The following MRPL15 variants were observed in gnomAD, a reference collection of about 807,000 sequenced individuals.
MRPL15 encodes the protein mitochondrial ribosomal protein L15, also known as large ribosomal subunit protein uL15m.
MRPL15 carries 24 observed loss-of-function variants against 28.0 expected under a neutral mutation model. The observed-to-expected ratio is 0.86, with a 90% CI of 0.62 to 1.21. The LOEUF (loss-of-function observed/expected upper bound fraction) is 1.21, where lower values mean the gene tolerates loss of function less well. Among genes scored for constraint, MRPL15 ranks in the 50% most tolerant of loss-of-function variants. The pLI is 0.00. For missense variants in MRPL15, 343 were observed against 372.4 expected, an observed-to-expected ratio of 0.92 and a Z score of 0.65; for synonymous variants, 124 against 137.0, an observed-to-expected ratio of 0.90 and a Z score of 0.66.
intron 4 of MRPL15, among the ~76,000 whole-genome samples, chr8:54,143,261 G>A (rs1046247797): frequency 6.6e-6 from 1 of 151,956 alleles, no homozygotes; most frequent in African/African-American, 2.4e-5. Context: ...TTGTATTTTG[G>A]CTAGAGGCGG....
Position 54,140,505 on chromosome 8 carries a change from C to T in MRPL15, c.430-2158C>T, listed in dbSNP as rs111804014. Among the ~76,000 whole-genome samples, 243 of 151,536 alleles carry T rather than the reference C, an allele frequency of 1.6e-3. 1 individual carries two copies. The highest frequency in any genetic ancestry group is 5.7e-3 in the African/African-American group (234 of 41,234). ...TTCAAACTCCAGACATCAAGTACTC[C>T]GCCCTCCTTGGCCTCCCGAAGTGCT... On this transcript the variant is annotated intron_variant, in intron 3 of 4. Transcript: ENST00000260102.
At chr8:54,136,706 C>G (rs750794083) in intron 2 of MRPL15, 41 bp downstream of exon 2, 1 of 1,551,016 alleles carries the variant, frequency 6.4e-7, no homozygotes, top group Non-Finnish European at 8.7e-7. Context: ...TCCCCAATTT[C>G]CATTAAAAAG....
chr8:54,143,153 T>G (rs567079322), intron 4 of MRPL15, among the ~76,000 whole-genome samples: 12 of 152,212 alleles, frequency 7.9e-5, no homozygotes, highest in Admixed American at 7.9e-4. Context: ...CAATCTCTGC[T>G]CACTGCAACT....
Position 54,148,062 on chromosome 8 carries a change from G to A in MRPL15, c.*343G>A, listed in dbSNP as rs886760010. Among the ~76,000 whole-genome samples, 4 of 152,196 alleles carry A rather than the reference G, an allele frequency of 2.6e-5. No individual in the cohort carries two copies. The highest frequency in any genetic ancestry group is 9.7e-5 in the African/African-American group (4 of 41,446). On this transcript the variant is annotated 3_prime_UTR_variant, in exon 5 of 5. Coordinates refer to ENST00000260102, the MANE Select transcript of MRPL15 (RefSeq NM_014175.4). ...TCAGAATGAAATGCACAAGTGGAATGGGATTGACCTGTAGGCCTGCTCTGC... is the reference window on the plus strand; with the variant it reads ...TCAGAATGAAATGCACAAGTGGAATAGGATTGACCTGTAGGCCTGCTCTGC...
chr8:54,137,647 A>G (rs1810849649), intron 3 of MRPL15, among the ~76,000 whole-genome samples: 1 of 151,978 alleles, frequency 6.6e-6, no homozygotes, highest in Non-Finnish European at 1.5e-5. Context: ...TGTTTTTAGT[A>G]GAGACAGGGT....
intron 3 of MRPL15, among the ~76,000 whole-genome samples, chr8:54,138,487 T>G (rs1488048998): frequency 6.6e-6 from 1 of 151,364 alleles, no homozygotes; most frequent in Non-Finnish European, 1.5e-5. Context: ...CTGGCTAATT[T>G]TTTTTATTTT....
Position 54,147,509 on chromosome 8 carries a change from C to T in MRPL15, c.681C>T (p.Ala227=), listed in dbSNP as rs1480633084. 1.9e-6 allele frequency: 3 copies of T among 1,614,018 alleles called. No homozygotes were observed. In the African/African-American group the frequency reaches 4.0e-5, roughly 22 times the overall value. The change falls in exon 5 of 5, where the codon GCC becomes GCT. Residue 227 remains alanine, a synonymous_variant. Transcript: ENST00000260102. ...AKNRGYLADP[A]KFPEARLELA... is the part of the protein sequence containing the mutation. ...ACCGTGGGTACCTGGCGGATCCTGC[C>T]AAATTTCCTGAAGCACGACTTGAAC...
intron 1 of MRPL15, 46 bp from the exon 2 acceptor site, chr8:54,136,465 T>C: frequency 6.3e-7 from 1 of 1,583,514 alleles, no homozygotes; most frequent in Non-Finnish European, 8.6e-7. Context: ...AATGCAGTTT[T>C]TAGAAATGCA....
In MRPL15 at chr8:54,147,741, G is replaced by C; in HGVS notation, c.*22G>C. ...ATGAATTCCCGTCCAAGGAAGCAGA[G>C]TTGTTAAAGAGTACTGGAATAGGGG... is the stretch of plus-strand genomic sequence containing the variant. On this transcript the variant is annotated 3_prime_UTR_variant, in exon 5 of 5. Coordinates refer to ENST00000260102, the MANE Select transcript of MRPL15 (RefSeq NM_014175.4). 1.5e-5 allele frequency: 23 copies of C among 1,578,820 alleles called. No individual in the cohort carries two copies. Among genetic ancestry groups the C allele is most frequent in the Non-Finnish European group, 2.0e-5 (23 of 1,160,278 alleles).
intron 4 of MRPL15, among the ~76,000 whole-genome samples, chr8:54,143,722 T>C (rs1810971086): frequency 6.6e-6 from 1 of 152,222 alleles, no homozygotes; most frequent in African/African-American, 2.4e-5. Context: ...CCTGCAAGGC[T>C]GGCTGTGATC....
In MRPL15 at chr8:54,136,600, CT is replaced by C. The variant is rs534881146; in HGVS notation, c.201del (p.Phe67LeufsTer30). On this transcript the variant is annotated frameshift_variant, in exon 2 of 5. Coordinates refer to ENST00000260102, the MANE Select transcript of MRPL15 (RefSeq NM_014175.4). LOFTEE classifies it high-confidence loss of function. ...RQRGTRPRLG[F>X]EGGQTPFYIR... ...AAAGAGGAACCCGGCCCCGCTTGGG[CT>C]TTGAGGGAGGCCAGACTCCATTTTA... 1,324 of 1,614,070 alleles carry C rather than the reference CT, an allele frequency of 8.2e-4. No homozygotes were observed. The highest frequency in any genetic ancestry group is 1.1e-3 in the Non-Finnish European group (1,286 of 1,180,034).
At position 54,147,573 on chromosome 8, in the gene MRPL15, A is replaced by G. The variant is rs1321172903; in HGVS notation, c.745A>G (p.Lys249Glu). The G allele has an allele frequency of 1.2e-6, 2 of 1,614,182 alleles. No individual in the cohort carries two copies. Among genetic ancestry groups the G allele is most frequent in the Non-Finnish European group, 1.7e-6 (2 of 1,180,032 alleles). The change falls in exon 5 of 5, where the codon AAA (lysine) becomes GAA (glutamate). Residue 249 changes from lysine (K) to glutamate (E), a missense_variant. Transcript: ENST00000260102. ...TGGTTATATCTTACCTGATATCACT[A>G]AAGATGAACTCTTCAAAATGCTCTG... is the stretch of plus-strand genomic sequence containing the variant. ...KYGYILPDITKDELFKMLCTR... is the reference protein window; with the variant it reads ...KYGYILPDITEDELFKMLCTR...
At chr8:54,144,528 T>G (rs1811010040) in intron 4 of MRPL15, among the ~76,000 whole-genome samples, 1 of 152,148 alleles carries the variant, frequency 6.6e-6, no homozygotes, top group African/African-American at 2.4e-5. Flanking sequence ...CCCAGCACTT[T>G]GGGAAGCCGA....
At position 54,147,839 on chromosome 8, in the gene MRPL15, G is replaced by A. The variant is rs1029093360; in HGVS notation, c.*120G>A. On this transcript the variant is annotated 3_prime_UTR_variant, in exon 5 of 5. Coordinates refer to ENST00000260102, the MANE Select transcript of MRPL15 (RefSeq NM_014175.4). ...CCAGATGGTGATGTTACTTTTCAGT[G>A]TACTCATATGTCTCATTTTCATCTA... is the stretch of plus-strand genomic sequence containing the variant. 78 of 818,940 alleles carry A rather than the reference G, an allele frequency of 9.5e-5. No homozygotes were observed. Among genetic ancestry groups the A allele is most frequent in the Non-Finnish European group, 1.3e-4 (70 of 537,262 alleles). 50.7% of individuals were successfully genotyped at this position (818,940 alleles called of 1,614,324 possible). A position where few individuals can be genotyped will look rare whatever the true frequency, so the allele number is the denominator to read the frequency against.
At chr8:54,142,027 T>G (rs1033085323) in intron 3 of MRPL15, among the ~76,000 whole-genome samples, 1 of 152,126 alleles carries the variant, frequency 6.6e-6, no homozygotes, top group Non-Finnish European at 1.5e-5. Flanking sequence ...AATTTTTGTA[T>G]TTTAAGAGAC....
At chr8:54,139,451 G>A (rs1263579508) in intron 3 of MRPL15, among the ~76,000 whole-genome samples, 1 of 152,120 alleles carries the variant, frequency 6.6e-6, no homozygotes, top group Non-Finnish European at 1.5e-5. Flanking sequence ...TCCAAATAAA[G>A]TAATTTGAAA....
At chr8:54,142,384 G>A (rs2129240012) in intron 3 of MRPL15, among the ~76,000 whole-genome samples, 1 of 152,252 alleles carries the variant, frequency 6.6e-6, no homozygotes, top group East Asian at 1.9e-4. Context: ...TTGAACTCCT[G>A]ACCTCAGGTG....
intron 4 of MRPL15, among the ~76,000 whole-genome samples, chr8:54,145,518 G>A (rs992357515): frequency 1.3e-5 from 2 of 151,484 alleles, no homozygotes; most frequent in African/African-American, 2.4e-5. Flanking sequence ...AGATGGTCTT[G>A]CTCTCTCAGG....
At position 54,147,818 on chromosome 8, in the gene MRPL15, A is replaced by T; in HGVS notation, c.*99A>T. On this transcript the variant is annotated 3_prime_UTR_variant, in exon 5 of 5. Transcript: ENST00000260102. ...ATTTTCCTTATGTATAATTTTCCAG[A>T]TGGTGATGTTACTTTTCAGTGTACT... 1 of 1,083,968 alleles carries T rather than the reference A, an allele frequency of 9.2e-7. No individual in the cohort carries two copies. The highest frequency in any genetic ancestry group is 2.8e-5 in the Admixed American group (1 of 35,480). The allele number at this position is 1,083,968 out of a possible 1,614,324, so 67.1% of individuals were successfully genotyped here. A position where few individuals can be genotyped will look rare whatever the true frequency, so the allele number is the denominator to read the frequency against.
Sources: gnomAD v4.1 joint callset for allele counts (sites outside exome capture counted in the v4.1 genomes callset) on GRCh38, gnomAD v4.1.1 for gene constraint, MANE v1.5 for transcripts, NCBI Gene and HGNC (gene_info 2026-07-23, HGNC 2026-07-21) for gene names.